The following LRRTM4 variants were observed in gnomAD, a reference collection of about 807,000 sequenced individuals.
LRRTM4 encodes leucine-rich repeat transmembrane neuronal protein 4.
In LRRTM4, 25 loss-of-function variants were observed where a neutral mutation model predicts 47.6. The ratio of observed to expected loss-of-function variants is 0.53; its 90% confidence interval spans 0.38 to 0.73. The LOEUF is 0.73. Among genes scored for constraint, LRRTM4 ranks in the 30% least tolerant of loss-of-function variants. The pLI, the probability that LRRTM4 is intolerant of heterozygous loss-of-function variation, is 0.00. For synonymous variants in LRRTM4, 311 were observed against 269.5 expected (o/e 1.15, Z -1.51); for missense variants, 638 against 713.4 (o/e 0.89, Z 1.20).
At chr2:77,099,918 A>G (rs1416464000) in intron 3 of LRRTM4, among the ~76,000 whole-genome samples, 1 of 152,128 alleles carries the variant, frequency 6.6e-6, no homozygotes, top group East Asian at 1.9e-4. Flanking sequence ...GTGGAGTGTG[A>G]AAGTGCAGGT....
At chr2:77,007,815 T>C (rs1677713356) in intron 3 of LRRTM4, among the ~76,000 whole-genome samples, 1 of 152,084 alleles carries the variant, frequency 6.6e-6, no homozygotes, top group African/African-American at 2.4e-5. Flanking sequence ...TCCTAATTAC[T>C]CTCCTGGAAT....
chr2:76,874,327 T>G (rs913230632), intron 3 of LRRTM4, among the ~76,000 whole-genome samples: 10 of 151,966 alleles, frequency 6.6e-5, no homozygotes, highest in African/African-American at 2.4e-4. Context: ...AACACCACAT[T>G]TAATTTGTCT....
chr2:76,779,816 G>A (rs1050900492), intron 3 of LRRTM4, among the ~76,000 whole-genome samples: 3 of 152,058 alleles, frequency 2.0e-5, no homozygotes, highest in Non-Finnish European at 4.4e-5. Flanking sequence ...GATGTTAGCT[G>A]GTTATTTTGC....
intron 3 of LRRTM4, among the ~76,000 whole-genome samples, chr2:77,119,352 G>T (rs1282943334): frequency 6.6e-6 from 1 of 151,692 alleles, no homozygotes; most frequent in Non-Finnish European, 1.5e-5. Flanking sequence ...CTAAGAATTT[G>T]TTAAGGTACA....
chr2:76,948,421 C>T (rs79095429), intron 3 of LRRTM4, among the ~76,000 whole-genome samples: 2,494 of 151,762 alleles, frequency 0.016, 84 homozygotes, highest in African/African-American at 0.056. Flanking sequence ...GGCCTATTTG[C>T]AAAGAAAATG....
chr2:77,451,857 C>T (rs1207950119), intron 3 of LRRTM4, among the ~76,000 whole-genome samples: 1 of 152,086 alleles, frequency 6.6e-6, no homozygotes, highest in Non-Finnish European at 1.5e-5. Flanking sequence ...TGAGAAGGAG[C>T]TATTCATGGG....
At chr2:77,310,134 A>G (rs1034241871) in intron 3 of LRRTM4, among the ~76,000 whole-genome samples, 2 of 152,194 alleles carry the variant, frequency 1.3e-5, no homozygotes, top group African/African-American at 4.8e-5. Context: ...AAATGAAGTT[A>G]TAAAACTATA....
At chr2:77,045,988 C>T (rs1201767094) in intron 3 of LRRTM4, among the ~76,000 whole-genome samples, 1 of 151,872 alleles carries the variant, frequency 6.6e-6, no homozygotes, top group African/African-American at 2.4e-5. Flanking sequence ...AATTTCCTTC[C>T]TTTTTCTTTT....
At chr2:76,928,715 C>G (rs1464769459) in intron 3 of LRRTM4, among the ~76,000 whole-genome samples, 1 of 152,020 alleles carries the variant, frequency 6.6e-6, no homozygotes, top group South Asian at 2.1e-4. Context: ...TGTTTTCAAG[C>G]TGACAGAATG....
At chr2:77,013,386 G>A (rs1389742542) in intron 3 of LRRTM4, among the ~76,000 whole-genome samples, 1 of 152,072 alleles carries the variant, frequency 6.6e-6, no homozygotes, top group East Asian at 1.9e-4. Context: ...TATTACTGTG[G>A]AGCAACTTTA....
At chr2:76,804,853 T>G (rs543690052) in intron 3 of LRRTM4, among the ~76,000 whole-genome samples, 28 of 151,384 alleles carry the variant, frequency 1.8e-4, no homozygotes, top group Non-Finnish European at 3.8e-4. Flanking sequence ...AAGTTTGATT[T>G]GTTAATAGAT....
chr2:77,054,425 A>G (rs185772042), intron 3 of LRRTM4, among the ~76,000 whole-genome samples: 24 of 152,338 alleles, frequency 1.6e-4, no homozygotes, highest in African/African-American at 5.3e-4. Flanking sequence ...ATGCTAGACA[A>G]ATACTTCTCC....
chr2:77,490,857 G>A (rs1678125914), intron 3 of LRRTM4, among the ~76,000 whole-genome samples: 1 of 151,848 alleles, frequency 6.6e-6, no homozygotes, highest in Non-Finnish European at 1.5e-5. Context: ...AACAAAATGT[G>A]AGTCCAGTAA....
At chr2:77,223,497 C>T (rs1674706904) in intron 3 of LRRTM4, among the ~76,000 whole-genome samples, 1 of 152,152 alleles carries the variant, frequency 6.6e-6, no homozygotes, top group South Asian at 2.1e-4. Flanking sequence ...AGCTGATAAG[C>T]AACTTCGGCA....
intron 3 of LRRTM4, among the ~76,000 whole-genome samples, chr2:77,413,218 G>T (rs1573380456): frequency 6.6e-6 from 1 of 152,078 alleles, no homozygotes; most frequent in East Asian, 1.9e-4. Context: ...AAAATGGCTT[G>T]AACTAAAACG....
intron 3 of LRRTM4, among the ~76,000 whole-genome samples, chr2:77,221,487 C>T (rs1674630986): frequency 1.3e-5 from 2 of 151,936 alleles, no homozygotes; most frequent in African/African-American, 4.8e-5. Context: ...CACACATAGG[C>T]TCAAAATAAA....
At chr2:77,340,215 T>C (rs919052602) in intron 3 of LRRTM4, among the ~76,000 whole-genome samples, 17 of 151,930 alleles carry the variant, frequency 1.1e-4, no homozygotes, top group African/African-American at 4.1e-4. Flanking sequence ...CACCACGCAT[T>C]GCTGGAGGTG....
intron 3 of LRRTM4, among the ~76,000 whole-genome samples, chr2:77,184,275 G>A (rs1255957340): frequency 6.6e-6 from 1 of 151,922 alleles, no homozygotes; most frequent in Non-Finnish European, 1.5e-5. Context: ...ACAGTCTAAT[G>A]AAGTACTAAA....
intron 3 of LRRTM4, among the ~76,000 whole-genome samples, chr2:77,475,108 T>C (rs1256842663): frequency 6.6e-6 from 1 of 152,026 alleles, no homozygotes; most frequent in African/African-American, 2.4e-5. Flanking sequence ...AAAATGTATG[T>C]TGAGGGGAAA....
Sources: allele counts gnomAD v4.1 joint callset (sites outside exome capture counted in the v4.1 genomes callset), GRCh38; gene constraint gnomAD v4.1.1; transcripts MANE v1.5; gene names NCBI Gene and HGNC (gene_info 2026-07-23, HGNC 2026-07-21).